Variants in KALRN observed in about 807,000 individuals in gnomAD.
The protein encoded by KALRN is kalirin RhoGEF kinase.
In KALRN, 70 loss-of-function variants were observed where a neutral mutation model predicts 353.7. That is an observed-to-expected ratio of 0.20 (90% confidence interval 0.16 to 0.24). The LOEUF is 0.24. KALRN is among the 10% of genes least tolerant of loss of function. The pLI is 1.00. For missense variants in KALRN, 2,791 were observed against 3,756.7 expected (o/e 0.74, Z 6.72); for synonymous variants, 1,391 against 1,434.8 (o/e 0.97, Z 0.69).
At chr3:124,471,577 G>A (rs945915818) in intron 25 of KALRN, among the ~76,000 whole-genome samples, 4 of 152,112 alleles carry the variant, frequency 2.6e-5, no homozygotes, top group African/African-American at 7.2e-5. Flanking sequence ...AGCTTTGGAA[G>A]ACCCTTTCAC....
chr3:124,430,074 A>G (rs2093202469), intron 15 of KALRN, among the ~76,000 whole-genome samples: 1 of 152,202 alleles, frequency 6.6e-6, no homozygotes, highest in African/African-American at 2.4e-5. Flanking sequence ...AATACAGCTA[A>G]TATATTGCCC....
At chr3:124,041,255 A>G (rs977147089) in intron 1 of KALRN, among the ~76,000 whole-genome samples, 3 of 152,182 alleles carry the variant, frequency 2.0e-5, no homozygotes, top group African/African-American at 7.2e-5. Flanking sequence ...AATAACTTGG[A>G]CAAATGACTT....
At chr3:124,171,552 G>A in intron 1 of KALRN, among the ~76,000 whole-genome samples, 1 of 152,106 alleles carries the variant, frequency 6.6e-6, no homozygotes, top group Middle Eastern at 3.2e-3. Flanking sequence ...CTGCTCTACT[G>A]GATTGGTCAA....
At chr3:124,491,786 C>T (rs750660032) in intron 31 of KALRN, 5 of 169,062 alleles carry the variant, frequency 3.0e-5, no homozygotes, top group African/African-American at 1.2e-4. Flanking sequence ...GCTCCACATT[C>T]ATTTGACATT....
chr3:124,113,898 G>A (rs562880893), intron 1 of KALRN, among the ~76,000 whole-genome samples: 3 of 152,194 alleles, frequency 2.0e-5, no homozygotes, highest in Admixed American at 1.3e-4. Flanking sequence ...TCAGAAACCC[G>A]TTCTTATCAA....
chr3:124,707,684 G>A (rs1278050739), intron 57 of KALRN, among the ~76,000 whole-genome samples: 1 of 152,196 alleles, frequency 6.6e-6, no homozygotes, highest in South Asian at 2.1e-4. Context: ...GTTTTTTTGT[G>A]TCTCCTTACT....
intron 28 of KALRN, among the ~76,000 whole-genome samples, chr3:124,486,495 C>T (rs1337824054): frequency 6.6e-6 from 1 of 152,182 alleles, no homozygotes; most frequent in Non-Finnish European, 1.5e-5. Context: ...CTGATCACTT[C>T]TCCCTCTCAA....
At chr3:124,677,910 C>A (rs561446771) in intron 49 of KALRN, among the ~76,000 whole-genome samples, 16 of 152,312 alleles carry the variant, frequency 1.1e-4, no homozygotes, top group Admixed American at 7.8e-4. Flanking sequence ...TACAAACTCC[C>A]TTATTAGAGT....
intron 47 of KALRN, among the ~76,000 whole-genome samples, chr3:124,668,043 G>GAC (rs55672121): frequency 0.069 from 9,482 of 138,138 alleles, 349 homozygotes; most frequent in South Asian, 0.11. Flanking sequence ...TGTATATCGA[G>GAC]ACACACACAC....
In KALRN at chr3:124,530,521, A is replaced by G. The variant is rs1388799164; in HGVS notation, c.4936-32322A>G. On this transcript the variant is annotated intron_variant, in intron 33 of 59. Transcript: ENST00000682506. ...ATCCTCCTGCTTCAGCCTCTTGAGT[A>G]GCTGGGACTACAGATGTGTACCACC... Among the ~76,000 whole-genome samples the G allele has an allele frequency of 2.0e-5, 3 of 152,074 alleles. No homozygotes were observed. In the East Asian group the frequency reaches 5.8e-4, roughly 29 times the overall value.
At chr3:124,213,500 CT>C (rs1553850060) in intron 1 of KALRN, among the ~76,000 whole-genome samples, 13 of 152,026 alleles carry the variant, frequency 8.6e-5, no homozygotes, top group African/African-American at 3.1e-4. Context: ...CATTATTTAT[CT>C]TTTTTAAAAA....
intron 3 of KALRN, among the ~76,000 whole-genome samples, chr3:124,244,027 A>G (rs904955395): frequency 6.6e-6 from 1 of 152,230 alleles, no homozygotes; most frequent in Non-Finnish European, 1.5e-5. Flanking sequence ...GCCATAGGTC[A>G]GTAACACTTC....
intron 16 of KALRN, 74 bp from the exon 17 acceptor site, chr3:124,434,233 C>T (rs944140216): frequency 6.6e-5 from 71 of 1,083,134 alleles, no homozygotes; most frequent in Middle Eastern, 3.0e-4. Flanking sequence ...TTTTCACTCA[C>T]GCCTCACTCC....
chr3:124,280,083 A>G (rs750369013), intron 5 of KALRN, among the ~76,000 whole-genome samples: 3 of 152,206 alleles, frequency 2.0e-5, no homozygotes, highest in Admixed American at 2.0e-4. Flanking sequence ...TAACCAGTGG[A>G]CCACGAGGAA....
intron 1 of KALRN, among the ~76,000 whole-genome samples, chr3:124,061,653 A>T (rs1328066277): frequency 2.0e-5 from 3 of 152,236 alleles, no homozygotes; most frequent in Non-Finnish European, 4.4e-5. Context: ...CAAGAACAGT[A>T]TGTGGCTACA....
At chr3:124,369,037 G>A (rs1410437798) in intron 10 of KALRN, among the ~76,000 whole-genome samples, 3 of 150,302 alleles carry the variant, frequency 2.0e-5, no homozygotes, top group Non-Finnish European at 4.4e-5. Flanking sequence ...GAGGGAGACC[G>A]TGGAAAGAGA....
chr3:124,390,301 T>G (rs1156818134), intron 11 of KALRN, among the ~76,000 whole-genome samples: 1 of 152,238 alleles, frequency 6.6e-6, no homozygotes, highest in Non-Finnish European at 1.5e-5. Flanking sequence ...TAAGTCAAGT[T>G]AAATAAGGAA....
At chr3:124,366,377 T>G (rs1391982966) in intron 10 of KALRN, among the ~76,000 whole-genome samples, 4 of 147,948 alleles carry the variant, frequency 2.7e-5, no homozygotes, top group Non-Finnish European at 6.0e-5. Context: ...GTGTCCCTGA[T>G]TACTTGAGAT....
chr3:124,393,740 G>A (rs1190590760), intron 11 of KALRN, among the ~76,000 whole-genome samples: 2 of 152,154 alleles, frequency 1.3e-5, no homozygotes, highest in Non-Finnish European at 2.9e-5. Context: ...TGTAGATAAG[G>A]AAACTAAGGC....
Sources: allele counts gnomAD v4.1 joint callset (sites outside exome capture counted in the v4.1 genomes callset), GRCh38; gene constraint gnomAD v4.1.1; transcripts MANE v1.5; gene names NCBI Gene and HGNC (gene_info 2026-07-23, HGNC 2026-07-21).